Variants in CADM2 observed in about 807,000 individuals in gnomAD.
CADM2 encodes cell adhesion molecule 2.
CADM2 carries 12 observed loss-of-function variants against 49.8 expected under a neutral mutation model. The observed-to-expected ratio is 0.24, with a 90% CI of 0.15 to 0.39. The LOEUF (loss-of-function observed/expected upper bound fraction) is 0.39. CADM2 is among the 10% of genes least tolerant of loss of function. The probability of loss-of-function intolerance (pLI) is 1.00; values close to 1 mark genes in which losing one functional copy is unlikely to be tolerated. For missense variants in CADM2, 378 were observed against 492.3 expected (o/e 0.77, Z 2.20); for synonymous variants, 214 against 175.4 (o/e 1.22, Z -1.74).
At chr3:86,054,999 A>G (rs1396693263) in intron 8 of CADM2, among the ~76,000 whole-genome samples, 1 of 152,164 alleles carries the variant, frequency 6.6e-6, no homozygotes, top group South Asian at 2.1e-4. Flanking sequence ...GAACAGCTCC[A>G]AGAGAGAAAG....
At chr3:85,043,460 G>A (rs558683929) in intron 1 of CADM2, among the ~76,000 whole-genome samples, 30 of 151,964 alleles carry the variant, frequency 2.0e-4, no homozygotes, top group African/African-American at 5.3e-4. Flanking sequence ...CATGAGGATC[G>A]CTTAAGGCCA....
chr3:85,541,733 TTATA>T (rs1388645950), intron 1 of CADM2, among the ~76,000 whole-genome samples: 1 of 57,150 alleles, frequency 1.7e-5, no homozygotes, highest in African/African-American at 5.2e-5. Flanking sequence ...TATATATATT[TTATA>T]TATATATTTT....
At chr3:85,431,705 A>G (rs1371403428) in intron 1 of CADM2, among the ~76,000 whole-genome samples, 1 of 151,162 alleles carries the variant, frequency 6.6e-6, no homozygotes, top group Non-Finnish European at 1.5e-5. Flanking sequence ...AAGTGCAGGA[A>G]GTTAAGTTTG....
chr3:86,060,943 C>T (rs949845804), intron 8 of CADM2, among the ~76,000 whole-genome samples: 8 of 151,878 alleles, frequency 5.3e-5, no homozygotes, highest in African/African-American at 1.9e-4. Flanking sequence ...GATCGTGCCA[C>T]TGCACTCCAG....
chr3:85,762,903 T>C (rs2069462721), intron 2 of CADM2, among the ~76,000 whole-genome samples: 1 of 151,790 alleles, frequency 6.6e-6, no homozygotes, highest in Admixed American at 6.6e-5. Context: ...TTTAGTTTAT[T>C]CACTTTAACT....
chr3:85,737,169 A>C (rs2068173320), intron 2 of CADM2, among the ~76,000 whole-genome samples: 1 of 152,170 alleles, frequency 6.6e-6, no homozygotes, highest in South Asian at 2.1e-4. Flanking sequence ...TGTACTGTGT[A>C]AGACAAGTGA....
chr3:85,179,683 A>G (rs1396794181), intron 1 of CADM2, among the ~76,000 whole-genome samples: 1 of 152,110 alleles, frequency 6.6e-6, no homozygotes, highest in Non-Finnish European at 1.5e-5. Context: ...AGGTCTTTAA[A>G]ACATGGTTTT....
At chr3:85,898,187 G>T (rs1715526637) in intron 5 of CADM2, among the ~76,000 whole-genome samples, 1 of 152,120 alleles carries the variant, frequency 6.6e-6, no homozygotes, top group African/African-American at 2.4e-5. Flanking sequence ...GAGATATAAT[G>T]ATTGTTCCAG....
intron 8 of CADM2, chr3:85,979,263 C>G (rs751825729): frequency 1.9e-6 from 3 of 1,610,496 alleles, no homozygotes; most frequent in Non-Finnish European, 8.5e-7. Flanking sequence ...ACCACATCTG[C>G]AACAACCAGC....
At chr3:85,897,355 C>G in intron 5 of CADM2, among the ~76,000 whole-genome samples, 1 of 142,780 alleles carries the variant, frequency 7.0e-6, no homozygotes, top group Non-Finnish European at 1.5e-5. Flanking sequence ...CTGCAAGCTC[C>G]GCTTCCCGGG....
chr3:86,017,453 T>C (rs2106977088), intron 8 of CADM2, among the ~76,000 whole-genome samples: 1 of 152,090 alleles, frequency 6.6e-6, no homozygotes, highest in Non-Finnish European at 1.5e-5. Flanking sequence ...ATTTTTTGGC[T>C]GGTCATGGTG....
At chr3:85,369,446 A>G (rs1176839996) in intron 1 of CADM2, among the ~76,000 whole-genome samples, 2 of 152,162 alleles carry the variant, frequency 1.3e-5, no homozygotes, top group African/African-American at 4.8e-5. Flanking sequence ...CAGCTTGGCC[A>G]ACATGGCGAA....
At position 85,772,592 on chromosome 3, in the gene CADM2, GTTAA is replaced by G. The variant is rs1321672877; in HGVS notation, c.89-29449_89-29446del. 6.6e-5 allele frequency among the ~76,000 whole-genome samples: 10 copies of G among 152,178 alleles called. No individual in the cohort carries two copies. In the South Asian group the frequency reaches 2.1e-3, roughly 32 times the overall value. On this transcript the variant is annotated intron_variant, in intron 2 of 9. Transcript: ENST00000383699. ...AGAGTTGATTATAGAATTTCAAAGT[GTTAA>G]TTAATAATTAGTAATAAGCAGGGAA... is the stretch of plus-strand genomic sequence containing the variant.
chr3:85,108,842 T>A (rs73843294), intron 1 of CADM2, among the ~76,000 whole-genome samples: 448 of 152,160 alleles, frequency 2.9e-3, no homozygotes, highest in African/African-American at 9.4e-3. Context: ...GAAAAAGTGA[T>A]TAGGATGTAT....
chr3:85,283,704 G>C (rs1160506256), intron 1 of CADM2, among the ~76,000 whole-genome samples: 1 of 152,046 alleles, frequency 6.6e-6, no homozygotes, highest in Non-Finnish European at 1.5e-5. Context: ...TAACAAAATA[G>C]AGTATACTTT....
intron 8 of CADM2, chr3:86,013,980 T>C: frequency 6.8e-7 from 1 of 1,481,096 alleles, no homozygotes. Flanking sequence ...ATCTGTTGCA[T>C]TAGGAACAAT....
intron 8 of CADM2, among the ~76,000 whole-genome samples, chr3:85,998,739 A>G (rs1729747451): frequency 6.6e-6 from 1 of 152,108 alleles, no homozygotes; most frequent in Admixed American, 6.6e-5. Flanking sequence ...AGTATGATGG[A>G]TGGAAGATTG....
chr3:85,107,609 TTTTCTTTCTTTCTTTCTTTCTTTTTC>T (rs1182924805), intron 1 of CADM2, among the ~76,000 whole-genome samples: 7 of 148,228 alleles, frequency 4.7e-5, no homozygotes, highest in African/African-American at 1.7e-4. Flanking sequence ...TTCTCTTTCT[TTTTCTTTCTTTCTTTCTTTCTTTTTC>T]TTTCTTTCTT....
intron 1 of CADM2, among the ~76,000 whole-genome samples, chr3:85,622,547 A>G (rs1037531335): frequency 7.9e-5 from 12 of 152,116 alleles, no homozygotes; most frequent in African/African-American, 2.7e-4. Flanking sequence ...CAAAATTAAC[A>G]TATGGAATTT....
Sources: allele counts gnomAD v4.1 joint callset (sites outside exome capture counted in the v4.1 genomes callset), GRCh38; gene constraint gnomAD v4.1.1; transcripts MANE v1.5; gene names NCBI Gene and HGNC (gene_info 2026-07-23, HGNC 2026-07-21).